CDRT4: variants seen among roughly 807,000 people sequenced by gnomAD.
CDRT4 encodes CMT1A duplicated region transcript 4.
For synonymous variants in CDRT4, 64 were observed against 69.6 expected, an observed-to-expected ratio of 0.92 and a Z score of 0.40; for missense variants, 167 against 193.1, an observed-to-expected ratio of 0.87 and a Z score of 0.80.
chr17:15,462,427 C>CAAAAAAA (rs55662712), intron 1 of CDRT4, among the ~76,000 whole-genome samples: 2 of 59,888 alleles, frequency 3.3e-5, no homozygotes, highest in African/African-American at 6.8e-5. Flanking sequence ...GACTCCATCT[C>CAAAAAAA]AAAAAAAAAA....
chr17:15,456,310 G>A lies in CDRT4; in HGVS notation c.-129-3225C>T, dbSNP rs116604916. 5.8e-3 allele frequency among the ~76,000 whole-genome samples: 876 copies of A among 152,196 alleles called. 5 individuals are homozygous for A. The highest frequency in any genetic ancestry group is 0.02 in the African/African-American group (841 of 41,514). The stretch of plus-strand genomic sequence containing the variant: ...GGGGTATGGATGTAGGGCAAGATAC[G>A]GGGGGAAGGCTCAGAGATGGAGTTA... On this transcript the variant is annotated intron_variant, in intron 1 of 3. Coordinates refer to ENST00000619038, the MANE Select transcript of CDRT4 (RefSeq NM_001204477.2).
chr17:15,458,779 T>C (rs1191949007), intron 1 of CDRT4, among the ~76,000 whole-genome samples: 2 of 152,100 alleles, frequency 1.3e-5, no homozygotes, highest in Non-Finnish European at 2.9e-5. Context: ...TGGGGGAGCC[T>C]GTATAATCCA....
At chr17:15,438,297 T>C (rs1978597821) in intron 3 of CDRT4, 97 bp from the exon 4 acceptor site, 2 of 1,219,316 alleles carry the variant, frequency 1.6e-6, no homozygotes, top group East Asian at 4.7e-5. Context: ...GATTTTGAAG[T>C]CCTCCCTATT....
chr17:15,439,602 C>A (rs1978659901), intron 3 of CDRT4, among the ~76,000 whole-genome samples: 1 of 152,214 alleles, frequency 6.6e-6, no homozygotes, highest in African/African-American at 2.4e-5. Flanking sequence ...CAACCCCGTT[C>A]CATCTCCTGA....
intron 1 of CDRT4, among the ~76,000 whole-genome samples, chr17:15,460,272 G>A (rs543100919): frequency 4.6e-5 from 7 of 152,024 alleles, no homozygotes; most frequent in African/African-American, 1.7e-4. Context: ...AAAAAACTAG[G>A]AATCTTCTTT....
At chr17:15,461,357 C>A (rs976014126) in intron 1 of CDRT4, among the ~76,000 whole-genome samples, 1 of 152,216 alleles carries the variant, frequency 6.6e-6, no homozygotes, top group Non-Finnish European at 1.5e-5. Context: ...CTACAGCATG[C>A]GGGCTGCCAC....
chr17:15,444,012 C>T, intron 2 of CDRT4: 1 of 788,164 alleles, frequency 1.3e-6, no homozygotes, highest in Non-Finnish European at 2.2e-6. Flanking sequence ...TTGGATGAGA[C>T]CAAGTGTTGC....
intron 2 of CDRT4, among the ~76,000 whole-genome samples, chr17:15,447,352 T>C (rs1227872563): frequency 6.6e-6 from 1 of 151,960 alleles, no homozygotes; most frequent in Non-Finnish European, 1.5e-5. Flanking sequence ...GAAGAGAAAA[T>C]GGTTATGCTG....
chr17:15,455,721 C>G (rs1475138193), intron 1 of CDRT4, among the ~76,000 whole-genome samples: 1 of 152,172 alleles, frequency 6.6e-6, no homozygotes, highest in African/African-American at 2.4e-5. Context: ...CAAGAGGCAG[C>G]AAGAAACTAG....
Position 15,436,793 on chromosome 17 carries a change from C to G in CDRT4, c.*980G>C, listed in dbSNP as rs1055056677. On this transcript the variant is annotated 3_prime_UTR_variant, in exon 4 of 4. Transcript: ENST00000619038. ...AGCAGCTGGATGGGATCACTCAGAA[C>G]CCGGCCGAGAGCTAATTCCCTCTTG... 5 of 152,248 alleles carry G rather than the reference C, an allele frequency of 3.3e-5. No individual in the cohort carries two copies. Among genetic ancestry groups the G allele is most frequent in the African/African-American group, 7.2e-5 (3 of 41,442 alleles). The allele number at this position is 152,248 out of a possible 1,614,324, so 9.4% of individuals were successfully genotyped here. A position where few individuals can be genotyped will look rare whatever the true frequency, so the allele number is the denominator to read the frequency against.
chr17:15,465,133 A>C (rs1567615751), intron 1 of CDRT4, among the ~76,000 whole-genome samples: 1 of 112,320 alleles, frequency 8.9e-6, no homozygotes, highest in Non-Finnish European at 1.6e-5. Flanking sequence ...CAACACACAG[A>C]TACAAACACA....
intron 1 of CDRT4, among the ~76,000 whole-genome samples, chr17:15,461,526 C>T (rs376902221): frequency 2.3e-4 from 35 of 152,344 alleles, no homozygotes; most frequent in Middle Eastern, 6.8e-3. Context: ...ACCAGTATCA[C>T]CTAGAGAGCC....
rs1368322967 is a variant in CDRT4, at chr17:15,438,194, G to GT, written c.37dup (p.Thr13AsnfsTer12). The stretch of plus-strand genomic sequence containing the variant: ...CTTCCGGGGAAGTCCAGTGTTTTCT[G>GT]TGAGTCCTACCAACAAAGAGAAATG... On this transcript the variant is annotated frameshift_variant, in exon 4 of 4. Transcript: ENST00000619038. LOFTEE classifies it low-confidence loss of function (END_TRUNC). The GT allele has an allele frequency of 1.2e-6, 2 of 1,612,840 alleles. No homozygotes were observed. The highest frequency in any genetic ancestry group is 1.3e-5 in the African/African-American group (1 of 74,904).
At chr17:15,460,810 A>G (rs1312910646) in intron 1 of CDRT4, among the ~76,000 whole-genome samples, 4 of 152,042 alleles carry the variant, frequency 2.6e-5, no homozygotes, top group Non-Finnish European at 5.9e-5. Flanking sequence ...GATGAAATCC[A>G]AACTCCTTCC....
At chr17:15,438,272 A>G (rs1462723856) in intron 3 of CDRT4, 72 bp from the exon 4 acceptor site, 2 of 1,475,554 alleles carry the variant, frequency 1.4e-6, no homozygotes, top group Non-Finnish European at 1.8e-6. Context: ...AAAAAATGGG[A>G]AGGCATTGGA....
chr17:15,444,418 T>C lies in CDRT4; in HGVS notation c.-47-4133A>G, dbSNP rs191230747. Among the ~76,000 whole-genome samples, 9 of 152,286 alleles carry C rather than the reference T, an allele frequency of 5.9e-5. No individual in the cohort carries two copies. In the East Asian group the frequency reaches 1.7e-3, roughly 29 times the overall value. On this transcript the variant is annotated intron_variant, in intron 2 of 3. Coordinates refer to ENST00000619038, the MANE Select transcript of CDRT4 (RefSeq NM_001204477.2). ...CCCACTCCCAACATCGTGATTTGAT[T>C]GGAATGGGATGCAGTACAGGCACTG...
intron 1 of CDRT4, among the ~76,000 whole-genome samples, chr17:15,461,659 GACC>G (rs763166588): frequency 6.6e-6 from 1 of 152,132 alleles, no homozygotes; most frequent in African/African-American, 2.4e-5. Flanking sequence ...GTCATCTAGG[GACC>G]ACATTTTGAG....
chr17:15,445,364 C>CTAAG lies in CDRT4; in HGVS notation c.-47-5083_-47-5080dup, dbSNP rs1978977595. Among the ~76,000 whole-genome samples the CTAAG allele has an allele frequency of 2.0e-5, 3 of 152,146 alleles. No homozygotes were observed. In the South Asian group the frequency reaches 6.2e-4, roughly 32 times the overall value. On this transcript the variant is annotated intron_variant, in intron 2 of 3. Coordinates refer to ENST00000619038, the MANE Select transcript of CDRT4 (RefSeq NM_001204477.2). ...AGATTTCAGGCCTGTCCTCAGTCAA[C>CTAAG]TAAGTTAGAAAAAAAATGCCATGTT...
At chr17:15,454,959 C>T (rs894195829) in intron 1 of CDRT4, among the ~76,000 whole-genome samples, 3 of 152,098 alleles carry the variant, frequency 2.0e-5, no homozygotes, top group East Asian at 3.9e-4. Flanking sequence ...CTGGTAAACA[C>T]CAAGAACCCT....
Sources: gnomAD v4.1 joint callset for allele counts (sites outside exome capture counted in the v4.1 genomes callset) on GRCh38, gnomAD v4.1.1 for gene constraint, MANE v1.5 for transcripts, NCBI Gene and HGNC (gene_info 2026-07-23, HGNC 2026-07-21) for gene names.